Variants in CADM2 observed in about 807,000 individuals in gnomAD.
CADM2 encodes immunoglobulin superfamily member 4D.
In CADM2, 12 loss-of-function variants were observed where a neutral mutation model predicts 49.8. That is an observed-to-expected ratio of 0.24 (90% CI 0.15 to 0.39). The LOEUF (loss-of-function observed/expected upper bound fraction) is 0.39. Ranked by LOEUF, CADM2 falls within the 10% of genes least tolerant of loss-of-function variation. CADM2 has a pLI of 1.00. For missense variants in CADM2, 378 were observed against 492.3 expected, an observed-to-expected ratio of 0.77 and a Z score of 2.20; for synonymous variants, 214 against 175.4, an observed-to-expected ratio of 1.22 and a Z score of -1.74.
At chr3:85,728,760 T>C (rs955133020) in intron 2 of CADM2, among the ~76,000 whole-genome samples, 1 of 152,150 alleles carries the variant, frequency 6.6e-6, no homozygotes, top group African/African-American at 2.4e-5. Context: ...TGATTTTTTG[T>C]AAGGAGTAAT....
chr3:85,940,250 A>G (rs969674882), intron 7 of CADM2, among the ~76,000 whole-genome samples: 1 of 151,584 alleles, frequency 6.6e-6, no homozygotes, highest in African/African-American at 2.4e-5. Flanking sequence ...GAGCAAGGAG[A>G]ATTGCTTGAA....
chr3:84,960,606 C>T (rs920694171), intron 1 of CADM2, among the ~76,000 whole-genome samples: 1 of 152,018 alleles, frequency 6.6e-6, no homozygotes, highest in African/African-American at 2.4e-5. Context: ...TTAATATTAT[C>T]CTTTCACGTG....
chr3:85,564,055 T>A (rs2062179176), intron 1 of CADM2, among the ~76,000 whole-genome samples: 1 of 152,164 alleles, frequency 6.6e-6, no homozygotes, highest in African/African-American at 2.4e-5. Context: ...CTTAAATAAT[T>A]TCAGGACTGG....
chr3:85,766,122 A>C (rs1228785108), intron 2 of CADM2, among the ~76,000 whole-genome samples: 1 of 152,112 alleles, frequency 6.6e-6, no homozygotes, highest in Non-Finnish European at 1.5e-5. Context: ...CATAGAAGAG[A>C]GTAATACCTA....
rs974762329 is a variant in CADM2 at position 85,115,459 on chromosome 3, G to C, written c.61+155791G>C. Among the ~76,000 whole-genome samples, 3 of 152,194 alleles carry C rather than the reference G, an allele frequency of 2.0e-5. 1 individual carries two copies. In the East Asian group the frequency reaches 5.8e-4, roughly 29 times the overall value. On this transcript the variant is annotated intron_variant, in intron 1 of 9. Coordinates refer to ENST00000383699, the MANE Select transcript of CADM2 (RefSeq NM_001167675.2). ...GAGTATAGATGTGAGTATATTTTCT[G>C]CTTCTCACTATCTGTCCTCTGAGTT...
chr3:85,803,413 A>G (rs951864915), intron 3 of CADM2, among the ~76,000 whole-genome samples: 6 of 152,144 alleles, frequency 3.9e-5, no homozygotes, highest in African/African-American at 1.4e-4. Flanking sequence ...GACAAGTGCT[A>G]TGCAGAAGAA....
At chr3:86,062,695 G>A (rs1738819478) in intron 8 of CADM2, among the ~76,000 whole-genome samples, 1 of 152,130 alleles carries the variant, frequency 6.6e-6, no homozygotes, top group Admixed American at 6.5e-5. Flanking sequence ...GAAGGCTGAG[G>A]CAGTAGAATC....
intron 2 of CADM2, among the ~76,000 whole-genome samples, chr3:85,775,855 A>G (rs1262256824): frequency 6.6e-6 from 1 of 151,944 alleles, no homozygotes; most frequent in Admixed American, 6.6e-5. Flanking sequence ...GTTATTAGGT[A>G]CTAAATTACC....
chr3:85,289,968 C>T (rs1437823559), intron 1 of CADM2, among the ~76,000 whole-genome samples: 5 of 152,176 alleles, frequency 3.3e-5, no homozygotes, highest in African/African-American at 9.7e-5. Flanking sequence ...CAGCTCCAGT[C>T]TACAGCTACC....
At position 86,071,615 on chromosome 3, in the gene CADM2, T is replaced by C. The variant is rs940914616; in HGVS notation, c.*4832T>C. On this transcript the variant is annotated 3_prime_UTR_variant, in exon 10 of 10. Transcript: ENST00000383699. ...TCAATATAAATAGAGGAAATAATTA[T>C]TTACCAGATATCCCAGGAAGCATTC... The C allele has an allele frequency of 1.3e-5, 2 of 151,934 alleles. No homozygotes were observed. The highest frequency in any genetic ancestry group is 2.9e-5 in the Non-Finnish European group (2 of 67,866). 9.4% of individuals were successfully genotyped at this position (151,934 alleles called of 1,614,324 possible).
chr3:85,264,061 G>A (rs138137135), intron 1 of CADM2, among the ~76,000 whole-genome samples: 119 of 152,112 alleles, frequency 7.8e-4, no homozygotes, highest in African/African-American at 2.5e-3. Flanking sequence ...CAGGTTCTCC[G>A]TTATCGTTCA....
chr3:85,595,814 A>G (rs1266628812), intron 1 of CADM2, among the ~76,000 whole-genome samples: 2 of 152,008 alleles, frequency 1.3e-5, no homozygotes, highest in African/African-American at 4.8e-5. Flanking sequence ...GTATATCTTC[A>G]TTAACGAGAT....
Position 85,491,118 on chromosome 3 carries a change from GCTTCT to G in CADM2, c.62-235403_62-235399del, listed in dbSNP as rs1576648111. Among the ~76,000 whole-genome samples the G allele has an allele frequency of 7.9e-5, 12 of 152,264 alleles. 1 individual carries two copies. The East Asian group carries it at 2.3e-3, about 29-fold the overall frequency. ...CAGGTACTGCATCAAATAAACTGAA[GCTTCT>G]ACATTGCCCTGAGACATGACAAATA... On this transcript the variant is annotated intron_variant, in intron 1 of 9. Transcript: ENST00000383699.
chr3:85,127,931 C>A (rs528968033), intron 1 of CADM2, among the ~76,000 whole-genome samples: 28 of 152,192 alleles, frequency 1.8e-4, no homozygotes, highest in Middle Eastern at 3.4e-3. Flanking sequence ...CTGCTTGTGA[C>A]TATTTAAATT....
intron 4 of CADM2, 106 bp downstream of exon 4, chr3:85,883,549 G>T: frequency 2.0e-6 from 2 of 1,004,282 alleles, no homozygotes; most frequent in Non-Finnish European, 1.4e-6. Flanking sequence ...TATATGAATA[G>T]ATATGGTTTA....
intron 6 of CADM2, among the ~76,000 whole-genome samples, chr3:85,916,699 GCTGGGTCAAATGGTATTTCTAGTT>G (rs1718376268): frequency 3.3e-5 from 5 of 151,910 alleles, no homozygotes; most frequent in Admixed American, 3.3e-4. Flanking sequence ...TAATGGGATG[GCTGGGTCAAATGGTATTTCTAGTT>G]CTAGATCCCT....
chr3:85,778,120 A>G (rs890386279), intron 2 of CADM2, among the ~76,000 whole-genome samples: 1 of 152,090 alleles, frequency 6.6e-6, no homozygotes, highest in African/African-American at 2.4e-5. Flanking sequence ...ACATTTGGAA[A>G]TGTTTAGGGG....
At chr3:86,012,331 T>C (rs1731608089) in intron 8 of CADM2, among the ~76,000 whole-genome samples, 1 of 152,204 alleles carries the variant, frequency 6.6e-6, no homozygotes, top group Non-Finnish European at 1.5e-5. Flanking sequence ...ATCTTGTCAA[T>C]ATGCTTTGTT....
At chr3:86,000,219 C>G (rs1318025117) in intron 8 of CADM2, among the ~76,000 whole-genome samples, 1 of 151,976 alleles carries the variant, frequency 6.6e-6, no homozygotes, top group African/African-American at 2.4e-5. Context: ...TGTATTTTCT[C>G]TATAAATTAA....
Sources: gnomAD v4.1 joint callset for allele counts (sites outside exome capture counted in the v4.1 genomes callset) on GRCh38, gnomAD v4.1.1 for gene constraint, MANE v1.5 for transcripts, NCBI Gene and HGNC (gene_info 2026-07-23, HGNC 2026-07-21) for gene names.